Variants in TPTE observed in about 807,000 individuals in gnomAD.
TPTE encodes transmembrane phosphatase with tensin homology.
TPTE carries 59 observed loss-of-function variants against 84.1 expected under a neutral mutation model. That is an observed-to-expected ratio of 0.70 (90% CI 0.57 to 0.87). The LOEUF (loss-of-function observed/expected upper bound fraction) is 0.87. Ranked by LOEUF, TPTE falls within the 40% of genes least tolerant of loss-of-function variation. The pLI, the probability that TPTE is intolerant of heterozygous loss-of-function variation, is 0.00. For synonymous variants in TPTE, 130 were observed against 223.5 expected (o/e 0.58, Z 3.73); for missense variants, 382 against 659.6 (o/e 0.58, Z 4.61).
chr21:10,542,347 T>A (rs765062989), intron 5 of TPTE, 48 bp from the exon 6 acceptor site: 6 of 1,601,140 alleles, frequency 3.7e-6, no homozygotes, highest in South Asian at 1.1e-5. Context: ...AAAATATAAA[T>A]TCAGAATTAT....
At chr21:10,539,092 A>G (rs2074320370) in intron 4 of TPTE, among the ~76,000 whole-genome samples, 2 of 152,424 alleles carry the variant, frequency 1.3e-5, no homozygotes, top group African/African-American at 4.8e-5. Flanking sequence ...TTCCTATGTT[A>G]GTGTATTTGT....
At chr21:10,529,082 G>A (rs1424544971) in intron 3 of TPTE, among the ~76,000 whole-genome samples, 1 of 152,304 alleles carries the variant, frequency 6.6e-6, no homozygotes, top group Non-Finnish European at 1.5e-5. Flanking sequence ...TACTCGGGAG[G>A]CTGAGGCAGA....
intron 13 of TPTE, among the ~76,000 whole-genome samples, chr21:10,570,064 G>C (rs2075011245): frequency 6.6e-6 from 1 of 152,310 alleles, no homozygotes; most frequent in Non-Finnish European, 1.5e-5. Context: ...TCTTATCCTA[G>C]AATCCCAGAG....
At chr21:10,569,853 C>T in intron 13 of TPTE, 107 bp downstream of exon 13, 4 of 1,608,102 alleles carry the variant, frequency 2.5e-6, no homozygotes, top group East Asian at 4.5e-5. Flanking sequence ...ATTCTTTATT[C>T]ATGAGGATAT....
intron 4 of TPTE, among the ~76,000 whole-genome samples, chr21:10,539,689 T>C (rs2074331471): frequency 6.6e-6 from 1 of 152,308 alleles, no homozygotes; most frequent in Non-Finnish European, 1.5e-5. Context: ...ACATGACTTC[T>C]CTAAGGGTAA....
Position 10,600,995 on chromosome 21 carries a change from C to G in TPTE, c.1357-1063C>G, listed in dbSNP as rs546720766. On this transcript the variant is annotated intron_variant, in intron 21 of 23. Coordinates refer to ENST00000618007, the MANE Select transcript of TPTE (RefSeq NM_199261.4). ...GCCCAACCCCCAAGTGTTACAGACC[C>G]CCGTTGTTATTTTTTAAATTCAGAA... 2.2e-4 allele frequency among the ~76,000 whole-genome samples: 34 copies of G among 152,284 alleles called. No individual in the cohort carries two copies. In the East Asian group the frequency reaches 5.3e-3, roughly 24 times the overall value.
intron 2 of TPTE, among the ~76,000 whole-genome samples, chr21:10,525,711 A>G (rs1229404618): frequency 6.6e-5 from 10 of 152,302 alleles, no homozygotes; most frequent in Non-Finnish European, 1.3e-4. Context: ...ACGGTTTGCA[A>G]TTCTCACCTT....
chr21:10,554,355 GA>G (rs1444626334), intron 8 of TPTE, among the ~76,000 whole-genome samples: 2 of 152,308 alleles, frequency 1.3e-5, no homozygotes, highest in Non-Finnish European at 2.9e-5. Context: ...CTCAGAAGTG[GA>G]AATTCTGTGT....
intron 3 of TPTE, among the ~76,000 whole-genome samples, chr21:10,529,233 T>G (rs2074135097): frequency 2.0e-5 from 3 of 152,144 alleles, no homozygotes; most frequent in Admixed American, 1.3e-4. Flanking sequence ...TGTTCACCAC[T>G]TGCAGATTTG....
chr21:10,538,114 C>T (rs1360815573), intron 3 of TPTE, among the ~76,000 whole-genome samples: 3 of 152,302 alleles, frequency 2.0e-5, no homozygotes, highest in African/African-American at 2.4e-5. Flanking sequence ...CAGGAAAGGA[C>T]AGCAGGGACG....
intron 21 of TPTE, among the ~76,000 whole-genome samples, chr21:10,601,780 G>A (rs1474339752): frequency 1.4e-4 from 21 of 152,376 alleles, no homozygotes; most frequent in African/African-American, 4.8e-4. Flanking sequence ...TTGAACCTGG[G>A]AGGCAGAGGT....
chr21:10,568,354 C>CA (rs1378158030), intron 11 of TPTE, among the ~76,000 whole-genome samples: 3 of 152,306 alleles, frequency 2.0e-5, no homozygotes, highest in African/African-American at 7.2e-5. Context: ...TAGGAGATGA[C>CA]ACGTGGCAAC....
At chr21:10,543,151 T>C (rs1197387487) in intron 6 of TPTE, among the ~76,000 whole-genome samples, 178 bp from the exon 7 acceptor site, 3 of 136,070 alleles carry the variant, frequency 2.2e-5, no homozygotes, top group Non-Finnish European at 4.5e-5. Context: ...TGCCTCAGCC[T>C]CCCGAGTAGC....
At chr21:10,589,545 C>A (rs1176669552) in intron 17 of TPTE, among the ~76,000 whole-genome samples, 1 of 152,418 alleles carries the variant, frequency 6.6e-6, no homozygotes, top group African/African-American at 2.4e-5. Flanking sequence ...TGTTGTCCTG[C>A]TCCCAGTCCA....
At chr21:10,526,584 C>A (rs181854915) in intron 2 of TPTE, among the ~76,000 whole-genome samples, 1 of 152,304 alleles carries the variant, frequency 6.6e-6, no homozygotes, top group Non-Finnish European at 1.5e-5. Context: ...CTTATTTAAA[C>A]GTTTGAAAAG....
At chr21:10,555,561 A>G (rs2074665799) in intron 8 of TPTE, among the ~76,000 whole-genome samples, 1 of 152,256 alleles carries the variant, frequency 6.6e-6, no homozygotes, top group Admixed American at 6.5e-5. Flanking sequence ...TCTCATGTAT[A>G]GCATGTAATG....
chr21:10,545,853 T>C (rs2074457263), intron 7 of TPTE, among the ~76,000 whole-genome samples: 1 of 151,858 alleles, frequency 6.6e-6, no homozygotes, highest in African/African-American at 2.4e-5. Flanking sequence ...AGATATATTC[T>C]TTAGCACTAA....
chr21:10,605,558 G>A lies in TPTE; in HGVS notation c.*6G>A. On this transcript the variant is annotated 3_prime_UTR_variant, in exon 24 of 24. Transcript: ENST00000618007. ...TTGTAGCTGGATCCGATTAAGTATA[G>A]CTCCCCCTTCCCCTTCTGGGAAAGA... The A allele has an allele frequency of 6.2e-7, 1 of 1,614,040 alleles. No individual in the cohort carries two copies. The highest frequency in any genetic ancestry group is 1.7e-4 in the Middle Eastern group (1 of 6,058).
chr21:10,532,714 A>G (rs1387340504), intron 3 of TPTE, among the ~76,000 whole-genome samples: 16 of 152,298 alleles, frequency 1.1e-4, no homozygotes, highest in African/African-American at 3.6e-4. Context: ...TAGTATTTAA[A>G]ATATTTCGTG....
Sources: allele counts gnomAD v4.1 joint callset (sites outside exome capture counted in the v4.1 genomes callset), GRCh38; gene constraint gnomAD v4.1.1; transcripts MANE v1.5; gene names NCBI Gene and HGNC (gene_info 2026-07-23, HGNC 2026-07-21).